TAOK1: variants seen among roughly 807,000 people sequenced by gnomAD.
The protein encoded by TAOK1 is TAO kinase 1, also known as serine/threonine-protein kinase TAO1.
A neutral mutation model predicts 138.3 loss-of-function variants in TAOK1; 21 were observed. The ratio of observed to expected loss-of-function variants is 0.15; its 90% CI spans 0.11 to 0.22. The LOEUF is 0.22. Among genes scored for constraint, TAOK1 ranks in the 10% least tolerant of loss-of-function variants. The pLI is 1.00. For missense variants in TAOK1, 651 were observed against 1,227.7 expected, an observed-to-expected ratio of 0.53 and a Z score of 7.02; for synonymous variants, 361 against 398.4, an observed-to-expected ratio of 0.91 and a Z score of 1.12.
chr17:29,450,567 G>A (rs902408910), intron 1 of TAOK1, among the ~76,000 whole-genome samples: 1 of 152,030 alleles, frequency 6.6e-6, no homozygotes, highest in African/African-American at 2.4e-5. Context: ...GCTGGAGTGC[G>A]GTGGTGTGAT....
intron 1 of TAOK1, among the ~76,000 whole-genome samples, chr17:29,397,385 C>T (rs1424159239): frequency 6.6e-6 from 1 of 151,152 alleles, no homozygotes; most frequent in Non-Finnish European, 1.5e-5. Flanking sequence ...GGGCAGAACA[C>T]AAGGTCAGGA....
intron 1 of TAOK1, among the ~76,000 whole-genome samples, chr17:29,394,150 G>GTTTT (rs58117433): frequency 0.022 from 1,080 of 48,308 alleles, 187 homozygotes; most frequent in Middle Eastern, 0.067. Context: ...TAATTTGCCA[G>GTTTT]TTTTTTTTTT....
rs7223457 is a variant in TAOK1 at position 29,495,533 on chromosome 17, C to G, written c.832-27C>G. 6.9e-3 allele frequency: 10,482 copies of G among 1,509,414 alleles called. 600 individuals are homozygous for G. The African/African-American group carries it at 0.13, about 18-fold the overall frequency. The allele number at this position is 1,509,414 out of a possible 1,614,324, so 93.5% of individuals were successfully genotyped here. ...CCTTGTCACTAATTGAAAAAAAAAT[C>G]AACCTTTTACCTTCTACCCTATCTA... On this transcript the variant is annotated intron_variant, in intron 10 of 19. Transcript: ENST00000261716.
chr17:29,430,643 C>G (rs1905797486), intron 1 of TAOK1, among the ~76,000 whole-genome samples: 1 of 152,132 alleles, frequency 6.6e-6, no homozygotes, highest in Non-Finnish European at 1.5e-5. Flanking sequence ...GTTTTCCTTT[C>G]AATTTAGTTC....
At chr17:29,490,875 C>T (rs2031283705) in intron 9 of TAOK1, among the ~76,000 whole-genome samples, 1 of 152,180 alleles carries the variant, frequency 6.6e-6, no homozygotes. Context: ...ATTGTGTCCT[C>T]ACATGGCAGA....
chr17:29,471,949 C>G (rs540637777), intron 3 of TAOK1, among the ~76,000 whole-genome samples: 56 of 152,296 alleles, frequency 3.7e-4, no homozygotes, highest in Middle Eastern at 3.4e-3. Context: ...CTCATCCACT[C>G]AAGTTTTATC....
chr17:29,482,365 A>G, intron 8 of TAOK1, 77 bp downstream of exon 8: 1 of 1,157,470 alleles, frequency 8.6e-7, no homozygotes, highest in Non-Finnish European at 1.2e-6. Context: ...ATCTATAAAA[A>G]TTATAGATTT....
intron 2 of TAOK1, among the ~76,000 whole-genome samples, chr17:29,466,871 G>A (rs2030681776): frequency 6.6e-6 from 1 of 151,968 alleles, no homozygotes; most frequent in African/African-American, 2.4e-5. Context: ...TTTGTTTATA[G>A]TACTACTCAA....
chr17:29,548,141 T>C lies in TAOK1; in HGVS notation c.*5119T>C, dbSNP rs2032431367. 2 of 152,160 alleles carry C rather than the reference T, an allele frequency of 1.3e-5. No individual in the cohort carries two copies. Among genetic ancestry groups the C allele is most frequent in the Admixed American group, 1.3e-4 (2 of 15,274 alleles). 9.4% of individuals were successfully genotyped at this position (152,160 alleles called of 1,614,324 possible). ...ACTAATGTTTTCCTCCTTGTTTGTATTCAGATTTCCAAAATTTCACTCATA... is the reference window on the plus strand; with the variant it reads ...ACTAATGTTTTCCTCCTTGTTTGTACTCAGATTTCCAAAATTTCACTCATA... On this transcript the variant is annotated 3_prime_UTR_variant, in exon 20 of 20. Transcript: ENST00000261716.
At chr17:29,478,543 C>G (rs550318191) in intron 6 of TAOK1, among the ~76,000 whole-genome samples, 196 bp downstream of exon 6, 3 of 152,102 alleles carry the variant, frequency 2.0e-5, no homozygotes, top group African/African-American at 7.2e-5. Flanking sequence ...TTATCTTTGC[C>G]TATATGTGCT....
At chr17:29,408,158 A>C (rs1458416431) in intron 1 of TAOK1, among the ~76,000 whole-genome samples, 2 of 140,996 alleles carry the variant, frequency 1.4e-5, no homozygotes, top group African/African-American at 2.7e-5. Flanking sequence ...CTCAAGTGAT[A>C]CTCCTGCCTC....
At position 29,475,395 on chromosome 17, in the gene TAOK1, A is replaced by T. The variant is rs573764981; in HGVS notation, c.205-275A>T. Among the ~76,000 whole-genome samples, 7 of 152,224 alleles carry T rather than the reference A, an allele frequency of 4.6e-5. No individual in the cohort carries two copies. In the East Asian group the frequency reaches 1.4e-3, roughly 29 times the overall value. On this transcript the variant is annotated intron_variant, in intron 3 of 19. Coordinates refer to ENST00000261716, the MANE Select transcript of TAOK1 (RefSeq NM_020791.4). ...TCTGTACAAAAAATAGAAAAATTAG[A>T]TGAGCATGGTGGTGTGCGCCTGTAG...
chr17:29,449,935 T>C (rs1317041375), intron 1 of TAOK1, among the ~76,000 whole-genome samples: 1 of 152,240 alleles, frequency 6.6e-6, no homozygotes, highest in Non-Finnish European at 1.5e-5. Flanking sequence ...TAACACTTAC[T>C]GTAGTGCTTA....
chr17:29,467,357 T>A, intron 3 of TAOK1, 141 bp downstream of exon 3: 1 of 354,880 alleles, frequency 2.8e-6, no homozygotes. Context: ...CACTGCAAGC[T>A]CCGCCTCCCA....
At position 29,447,512 on chromosome 17, in the gene TAOK1, G is replaced by T. The variant is rs148033564; in HGVS notation, c.-94-3943G>T. ...TACCTGGCTAATTTTTGTATTTTTAGCAGAGACAGGGTTTCGCCATGTTGG... is the reference window on the plus strand; with the variant it reads ...TACCTGGCTAATTTTTGTATTTTTATCAGAGACAGGGTTTCGCCATGTTGG... On this transcript the variant is annotated intron_variant, in intron 1 of 19. Coordinates refer to ENST00000261716, the MANE Select transcript of TAOK1 (RefSeq NM_020791.4). 5.3e-3 allele frequency among the ~76,000 whole-genome samples: 799 copies of T among 151,946 alleles called. 7 individuals are homozygous for T. The highest frequency in any genetic ancestry group is 0.018 in the African/African-American group (757 of 41,450).
chr17:29,411,256 T>G (rs1905136771), intron 1 of TAOK1, among the ~76,000 whole-genome samples: 1 of 150,304 alleles, frequency 6.7e-6, no homozygotes, highest in Non-Finnish European at 1.5e-5. Flanking sequence ...TACGCCCGGC[T>G]AATTTTTTGT....
At chr17:29,397,647 T>TTCATGTATTATACATGTATAC (rs1384681685) in intron 1 of TAOK1, among the ~76,000 whole-genome samples, 1 of 61,566 alleles carries the variant, frequency 1.6e-5, no homozygotes, top group Non-Finnish European at 3.0e-5. Context: ...TACATGTATA[T>TTCATGTATTATACATGTATAC]ATGTATATTC....
chr17:29,452,918 A>G (rs976590033), intron 2 of TAOK1, among the ~76,000 whole-genome samples: 23 of 152,070 alleles, frequency 1.5e-4, no homozygotes, highest in Non-Finnish European at 3.2e-4. Flanking sequence ...ACTTTTGACT[A>G]TTGTGAATGA....
chr17:29,403,681 G>A (rs956042725), intron 1 of TAOK1: 4 of 152,082 alleles, frequency 2.6e-5, no homozygotes, highest in African/African-American at 7.2e-5. Context: ...GCAATATAAT[G>A]TGCTCACTTT....
Sources: gnomAD v4.1 joint callset for allele counts (sites outside exome capture counted in the v4.1 genomes callset) on GRCh38, gnomAD v4.1.1 for gene constraint, MANE v1.5 for transcripts, NCBI Gene and HGNC (gene_info 2026-07-23, HGNC 2026-07-21) for gene names.